TRHDE: variants seen among roughly 807,000 people sequenced by gnomAD.
TRHDE encodes the protein thyrotropin-releasing hormone-degrading ectoenzyme.
A neutral mutation model predicts 125.7 loss-of-function variants in TRHDE; 72 were observed. The observed-to-expected ratio is 0.57, with a 90% CI of 0.47 to 0.70. The LOEUF is 0.70. TRHDE is among the 30% of genes least tolerant of loss of function. The pLI, the probability that TRHDE is intolerant of heterozygous loss-of-function variation, is 0.00. For missense variants in TRHDE, 1,110 were observed against 1,327.1 expected (o/e 0.84, Z 2.54); for synonymous variants, 509 against 509.1 (o/e 1.00, Z 0.00).
chr12:72,090,788 C>T (rs1273011061), intron 1 of TRHDE, among the ~76,000 whole-genome samples: 1 of 151,450 alleles, frequency 6.6e-6, no homozygotes, highest in Non-Finnish European at 1.5e-5. Context: ...TAGAGATAAC[C>T]ACTTGGCCTA....
intron 18 of TRHDE, 68 bp from the exon 19 acceptor site, chr12:72,662,984 T>C (rs1005538687): frequency 6.8e-7 from 1 of 1,467,784 alleles, no homozygotes; most frequent in Non-Finnish European, 9.3e-7. Flanking sequence ...AGATTCTTGT[T>C]CATGTTTGTT....
At position 72,273,594 on chromosome 12, in the gene TRHDE, C is replaced by T. The variant is rs750674903; in HGVS notation, c.914+37C>T. 1.3e-6 allele frequency: 2 copies of T among 1,538,528 alleles called. No individual in the cohort carries two copies. Among genetic ancestry groups the T allele is most frequent in the African/African-American group, 1.4e-5 (1 of 73,610 alleles). On this transcript the variant is annotated intron_variant, in intron 1 of 18. Transcript: ENST00000261180. The surrounding 1 kb of genome is among the most constrained non-coding windows in gnomAD (Gnocchi z 5.3). The stretch of plus-strand genomic sequence containing the variant: ...GGCGGTGCCCCGCGCTGCCCCACCC[C>T]GGCGCGCGGCTCGAACCTCTGGGCG...
chr12:72,449,182 G>A (rs1875449680), intron 3 of TRHDE, among the ~76,000 whole-genome samples: 2 of 151,950 alleles, frequency 1.3e-5, no homozygotes, highest in South Asian at 4.1e-4. Context: ...AAAGAATGCA[G>A]GCTTTCAGTA....
intron 7 of TRHDE, among the ~76,000 whole-genome samples, chr12:72,557,861 A>C (rs1358618389): frequency 2.0e-5 from 3 of 152,150 alleles, no homozygotes; most frequent in African/African-American, 7.2e-5. Flanking sequence ...TTAATATTTA[A>C]ATATGATATT....
chr12:72,515,776 T>A (rs1340176099), intron 6 of TRHDE, among the ~76,000 whole-genome samples: 3 of 152,072 alleles, frequency 2.0e-5, no homozygotes, highest in African/African-American at 7.3e-5. Context: ...TGGTTTTAGG[T>A]CTAATGTTTA....
At chr12:72,400,185 A>G (rs1872979464) in intron 3 of TRHDE, among the ~76,000 whole-genome samples, 1 of 152,132 alleles carries the variant, frequency 6.6e-6, no homozygotes, top group Non-Finnish European at 1.5e-5. Flanking sequence ...ATCTGCTTGT[A>G]TATTAGTAAA....
intron 2 of TRHDE, among the ~76,000 whole-genome samples, chr12:72,115,998 C>T (rs1024218146): frequency 6.6e-6 from 1 of 152,094 alleles, no homozygotes; most frequent in Non-Finnish European, 1.5e-5. Context: ...TCCTAATGCA[C>T]TCCCTCCCTT....
chr12:72,316,815 A>T (rs74102205), intron 2 of TRHDE, among the ~76,000 whole-genome samples: 10,171 of 152,272 alleles, frequency 0.067, 395 homozygotes, highest in African/African-American at 0.11. Flanking sequence ...TGTAAAGTTT[A>T]AAATGGAATT....
intron 6 of TRHDE, among the ~76,000 whole-genome samples, chr12:72,531,917 A>G (rs776732769): frequency 1.7e-4 from 26 of 152,220 alleles, no homozygotes; most frequent in Admixed American, 5.9e-4. Flanking sequence ...ATCTTTTTCT[A>G]TTTCAAAATT....
chr12:72,588,646 G>C (rs891307423), intron 12 of TRHDE, among the ~76,000 whole-genome samples: 6 of 152,164 alleles, frequency 3.9e-5, no homozygotes, highest in Non-Finnish European at 7.4e-5. Flanking sequence ...AATATACTAT[G>C]AGGGAATGAG....
intron 6 of TRHDE, among the ~76,000 whole-genome samples, chr12:72,521,672 C>A (rs1817885): frequency 6.6e-6 from 1 of 151,952 alleles, no homozygotes; most frequent in Non-Finnish European, 1.5e-5. Context: ...GCATGACCAA[C>A]CAGCTGAATA....
At chr12:72,410,959 A>C (rs1014183159) in intron 3 of TRHDE, among the ~76,000 whole-genome samples, 1 of 151,986 alleles carries the variant, frequency 6.6e-6, no homozygotes, top group Admixed American at 6.6e-5. Context: ...TTGGGAGGCC[A>C]AGGTGGGTGG....
chr12:72,457,816 A>C (rs1330462305), intron 3 of TRHDE, among the ~76,000 whole-genome samples: 1 of 152,198 alleles, frequency 6.6e-6, no homozygotes, highest in Non-Finnish European at 1.5e-5. Flanking sequence ...ACACTGTCTA[A>C]AGTACATAAG....
At chr12:72,288,701 A>G (rs1299733322) in intron 2 of TRHDE, among the ~76,000 whole-genome samples, 4 of 152,168 alleles carry the variant, frequency 2.6e-5, no homozygotes. Flanking sequence ...GTATCTTAAA[A>G]GTGTTTTCAG....
intron 12 of TRHDE, among the ~76,000 whole-genome samples, chr12:72,587,529 G>T (rs1871491499): frequency 6.6e-6 from 1 of 152,004 alleles, no homozygotes; most frequent in South Asian, 2.1e-4. Context: ...GGATAACAAA[G>T]ATAGAGCCAT....
At chr12:72,289,120 A>C (rs1218684394) in intron 2 of TRHDE, among the ~76,000 whole-genome samples, 2 of 152,090 alleles carry the variant, frequency 1.3e-5, no homozygotes, top group African/African-American at 4.8e-5. Context: ...TCAACACTTA[A>C]CAGCTGGAAG....
At chr12:72,570,744 T>G (rs1191803735) in intron 10 of TRHDE, among the ~76,000 whole-genome samples, 1 of 152,164 alleles carries the variant, frequency 6.6e-6, no homozygotes, top group Admixed American at 6.6e-5. Context: ...ATATCACCTA[T>G]CTTGATATGT....
rs189161426 is a variant in TRHDE at position 72,191,639 on chromosome 12, C to G, written n.279+85887C>G. Among the ~76,000 whole-genome samples the G allele has an allele frequency of 3.3e-5, 5 of 151,864 alleles. No individual in the cohort carries two copies. In the East Asian group the frequency reaches 9.7e-4, roughly 29 times the overall value. ...TCAACTGTAACTGATTATAATGTAC[C>G]CTTAAAATATTTTATTGTCGTTGTA... On this transcript the variant is annotated intron_variant and non_coding_transcript_variant, in intron 2 of 4. Coordinates refer to the TRHDE transcript ENST00000548156.
intron 7 of TRHDE, among the ~76,000 whole-genome samples, chr12:72,550,711 G>A (rs188017811): frequency 1.3e-5 from 2 of 151,698 alleles, no homozygotes; most frequent in Admixed American, 1.3e-4. Context: ...TTACATTGTT[G>A]ATTTTTTCCA....
Sources: gnomAD v4.1 joint callset for allele counts (sites outside exome capture counted in the v4.1 genomes callset) on GRCh38, gnomAD v4.1.1 for gene constraint, Gnocchi (gnomAD v3.1) non-coding constraint, MANE v1.5 for transcripts, NCBI Gene and HGNC (gene_info 2026-07-23, HGNC 2026-07-21) for gene names.